FBXO11: variants seen among roughly 807,000 people sequenced by gnomAD.
FBXO11 encodes F-box only protein 11.
In FBXO11, 13 loss-of-function variants were observed where a neutral mutation model predicts 117.0. That is an observed-to-expected ratio of 0.11 (90% CI 0.07 to 0.18). The LOEUF (loss-of-function observed/expected upper bound fraction) is 0.18, where lower values mean the gene tolerates loss of function less well. Ranked by LOEUF, FBXO11 falls within the 10% of genes least tolerant of loss-of-function variation. The pLI is 1.00. For missense variants in FBXO11, 767 were observed against 1,164.4 expected, an observed-to-expected ratio of 0.66 and a Z score of 4.97; for synonymous variants, 490 against 380.5, an observed-to-expected ratio of 1.29 and a Z score of -3.35.
Position 47,868,094 on chromosome 2 carries a change from G to A in FBXO11, c.233-28325C>T, listed in dbSNP as rs574244734. ...AATCCTTACCCACTGCAAATCCCTG[G>A]ACAACTACTGCCATGTCAGAATTCA... On this transcript the variant is annotated intron_variant, in intron 1 of 22. Coordinates refer to ENST00000403359, the MANE Select transcript of FBXO11 (RefSeq NM_001190274.2). Among the ~76,000 whole-genome samples the A allele has an allele frequency of 3.3e-5, 5 of 152,148 alleles. No homozygotes were observed. The South Asian group carries it at 1.0e-3, about 32-fold the overall frequency.
At chr2:47,881,321 A>T (rs1318451719) in intron 1 of FBXO11, among the ~76,000 whole-genome samples, 3 of 152,320 alleles carry the variant, frequency 2.0e-5, no homozygotes, top group Admixed American at 6.5e-5. Flanking sequence ...TGGTTATATA[A>T]GAATTTTTTT....
rs533558043 is a variant in FBXO11, at chr2:47,850,264, T to C, written c.233-10495A>G. 6.8e-4 allele frequency among the ~76,000 whole-genome samples: 104 copies of C among 152,030 alleles called. 2 individuals are homozygous for C. The highest frequency in any genetic ancestry group is 4.0e-4 in the Non-Finnish European group (27 of 67,948). On this transcript the variant is annotated intron_variant, in intron 1 of 22. Coordinates refer to ENST00000403359, the MANE Select transcript of FBXO11 (RefSeq NM_001190274.2). ...AGGCAGTGACTTTGGAGATTGAAGG[T>C]GGGGAAAAAAGATGAGTTAAGGGTT...
intron 1 of FBXO11, among the ~76,000 whole-genome samples, chr2:47,874,506 G>C (rs552078479): frequency 6.6e-6 from 1 of 151,918 alleles, no homozygotes; most frequent in East Asian, 1.9e-4. Context: ...TACTAAGTAA[G>C]TTTAACACAC....
intron 1 of FBXO11, among the ~76,000 whole-genome samples, chr2:47,853,983 G>C (rs1674078993): frequency 6.6e-6 from 1 of 152,192 alleles, no homozygotes; most frequent in Non-Finnish European, 1.5e-5. Context: ...CAAATGCCAA[G>C]TGCTGACCAC....
In FBXO11 at chr2:47,808,343, A is replaced by T; in HGVS notation, c.2640T>A (p.Phe880Leu). Residue 880 changes from phenylalanine (F) to leucine (L), a missense_variant, in exon 22 of 23, where the codon TTT (phenylalanine) becomes TTA (leucine). Phe to Leu is a conservative substitution (Grantham distance 22). Around this residue, in one of 10 missense-constraint regions of FBXO11, gnomAD observed 47 missense variants for 117.3 expected, o/e 0.40. Coordinates refer to ENST00000403359, the MANE Select transcript of FBXO11 (RefSeq NM_001190274.2). ...KKCHQGHDVE[F>L]IRHDRFFCDC... ...GTGCTACATACCTATCATGTCTAAT[A>T]AACTCTACATCATGTCCCTGATGGC... 1 of 1,612,490 alleles carries T rather than the reference A, an allele frequency of 6.2e-7. No individual in the cohort carries two copies.
In FBXO11 at chr2:47,807,376, A is replaced by AACAC. The variant is rs1391922061; in HGVS notation, c.*738_*741dup. On this transcript the variant is annotated 3_prime_UTR_variant, in exon 23 of 23. Coordinates refer to ENST00000403359, the MANE Select transcript of FBXO11 (RefSeq NM_001190274.2). ...ATCCCTTCCTAGGAAGTCTCATTAA[A>AACAC]ACACTCACTTTTTCTAGGGGTGATT... 2 of 209,662 alleles carry AACAC rather than the reference A, an allele frequency of 9.5e-6. No individual in the cohort carries two copies. Among genetic ancestry groups the AACAC allele is most frequent in the Non-Finnish European group, 1.9e-5 (2 of 103,060 alleles). The allele number at this position is 209,662 out of a possible 1,614,324, so 13.0% of individuals were successfully genotyped here.
chr2:47,900,689 C>CGT (rs1409625739), intron 1 of FBXO11, among the ~76,000 whole-genome samples: 1 of 122,918 alleles, frequency 8.1e-6, no homozygotes, highest in Non-Finnish European at 1.7e-5. Context: ...CGTATACACA[C>CGT]ACGTATACAC....
intron 1 of FBXO11, among the ~76,000 whole-genome samples, chr2:47,873,758 T>C (rs978991279): frequency 3.3e-5 from 5 of 152,230 alleles, no homozygotes; most frequent in Admixed American, 6.5e-5. Flanking sequence ...TCTGTTCTTG[T>C]GGGTTTATGC....
rs1217931515 is a variant in FBXO11 at position 47,905,936 on chromosome 2, G to A, written c.-216C>T. 2.0e-6 allele frequency: 1 copy of A among 503,130 alleles called. No individual in the cohort carries two copies. Among genetic ancestry groups the A allele is most frequent in the Non-Finnish European group, 3.3e-6 (1 of 302,686 alleles). The allele number at this position is 503,130 out of a possible 1,614,324, so 31.2% of individuals were successfully genotyped here. On this transcript the variant is annotated 5_prime_UTR_variant, in exon 1 of 23. Transcript: ENST00000403359. The stretch of plus-strand genomic sequence containing the variant: ...AGACGGAGACCGAGCGAGGCCGGCC[G>A]GGAGGGCCTGACGCACGGGGAAGGC...
rs1672865036 is a variant in FBXO11, at chr2:47,839,664, C to T, written c.338G>A (p.Cys113Tyr). Residue 113 changes from cysteine (C) to tyrosine (Y), a missense_variant, in exon 2 of 23, where the codon TGT (cysteine) becomes TAT (tyrosine). Cys to Tyr is a radical substitution (Grantham distance 194). Around this residue, in one of 10 missense-constraint regions of FBXO11, gnomAD observed 355 missense variants for 299.8 expected, o/e 1.18. Coordinates refer to ENST00000403359, the MANE Select transcript of FBXO11 (RefSeq NM_001190274.2). ...TACCTCCATACTGTTCTTTGTGGGA[C>T]ACGCTGTTCTTTTCGGCAAAAGAGT... is the stretch of plus-strand genomic sequence containing the variant. ...RKTLLPKRTA[C>Y]PTKNSMEGAS... 1 of 1,614,084 alleles carries T rather than the reference C, an allele frequency of 6.2e-7. No homozygotes were observed. The highest frequency in any genetic ancestry group is 8.5e-7 in the Non-Finnish European group (1 of 1,180,004).
chr2:47,816,864 C>T (rs770976290), intron 16 of FBXO11, among the ~76,000 whole-genome samples: 23 of 152,082 alleles, frequency 1.5e-4, no homozygotes, highest in Non-Finnish European at 2.9e-4. Context: ...CCCTTTATAG[C>T]GCACAGGCAG....
intron 1 of FBXO11, 91 bp downstream of exon 1, chr2:47,905,398 C>T: frequency 4.7e-6 from 5 of 1,064,272 alleles, no homozygotes; most frequent in Non-Finnish European, 5.7e-6. Context: ...GGCGCGCAGG[C>T]CGCCCCCGCC....
intron 1 of FBXO11, among the ~76,000 whole-genome samples, chr2:47,844,945 A>T (rs2104906609): frequency 6.6e-6 from 1 of 152,206 alleles, no homozygotes; most frequent in Non-Finnish European, 1.5e-5. Context: ...CCCTTATTAC[A>T]TATTTCATTT....
At chr2:47,836,745 CT>C (rs1672597356) in intron 4 of FBXO11, among the ~76,000 whole-genome samples, 1 of 152,190 alleles carries the variant, frequency 6.6e-6, no homozygotes, top group Non-Finnish European at 1.5e-5. Flanking sequence ...GTTATCCTTA[CT>C]GTAAAAACAT....
In FBXO11 at chr2:47,903,835, T is replaced by A. The variant is rs563412597; in HGVS notation, c.232+1654A>T. Among the ~76,000 whole-genome samples, 4 of 152,328 alleles carry A rather than the reference T, an allele frequency of 2.6e-5. No homozygotes were observed. In the South Asian group the frequency reaches 8.3e-4, roughly 32 times the overall value. On this transcript the variant is annotated intron_variant, in intron 1 of 22. Transcript: ENST00000403359. Reference sequence around the variant, plus strand: ...GCAATTCTGGAAGAAGAACATTATTTGAACGGAACATCAGAAGAACACTGA... The same window carrying A: ...GCAATTCTGGAAGAAGAACATTATTAGAACGGAACATCAGAAGAACACTGA...
chr2:47,871,083 T>C (rs867407276), intron 1 of FBXO11, among the ~76,000 whole-genome samples: 3 of 152,154 alleles, frequency 2.0e-5, no homozygotes, highest in African/African-American at 4.8e-5. Context: ...CCCTTAAGTA[T>C]TGGTTGAGCT....
intron 13 of FBXO11, 76 bp from the exon 14 acceptor site, chr2:47,820,532 G>A (rs1483268658): frequency 2.7e-6 from 3 of 1,114,484 alleles, no homozygotes; most frequent in African/African-American, 1.6e-5. Flanking sequence ...ATTAGGTAGT[G>A]GTTAAAATTC....
intron 1 of FBXO11, among the ~76,000 whole-genome samples, chr2:47,863,749 T>C (rs1368618448): frequency 6.6e-6 from 1 of 152,162 alleles, no homozygotes; most frequent in African/African-American, 2.4e-5. Context: ...GAGACCAGCC[T>C]GGCTAACAGG....
Position 47,808,030 on chromosome 2 carries a change from G to T in FBXO11, c.*88C>A. 8.3e-7 allele frequency: 1 copy of T among 1,207,700 alleles called. No homozygotes were observed. The highest frequency in any genetic ancestry group is 1.2e-6 in the Non-Finnish European group (1 of 851,934). 74.8% of individuals were successfully genotyped at this position (1,207,700 alleles called of 1,614,324 possible). ...ATTTTTAATACAGTCTCTTCCTGTA[G>T]CATGGGCAAATATTTTAAATCTTCT... On this transcript the variant is annotated 3_prime_UTR_variant, in exon 23 of 23. Transcript: ENST00000403359.
Sources: allele counts gnomAD v4.1 joint callset (sites outside exome capture counted in the v4.1 genomes callset), GRCh38; gene constraint gnomAD v4.1.1; regional missense constraint gnomAD v4.1.1; transcripts MANE v1.5; gene names NCBI Gene and HGNC (gene_info 2026-07-23, HGNC 2026-07-21).